CTNNA2: variants seen among roughly 807,000 people sequenced by gnomAD.
CTNNA2 encodes the protein catenin alpha-2.
CTNNA2 carries 42 observed loss-of-function variants against 101.0 expected under a neutral mutation model. The observed-to-expected ratio is 0.42, with a 90% CI of 0.32 to 0.54. CTNNA2 has a LOEUF of 0.54. Among genes scored for constraint, CTNNA2 ranks in the 20% least tolerant of loss-of-function variants. The pLI is 0.14. For missense variants in CTNNA2, 871 were observed against 1,223.1 expected (o/e 0.71, Z 4.29); for synonymous variants, 450 against 456.4 (o/e 0.99, Z 0.18).
chr2:79,276,008 G>T (rs1675203176), intron 2 of CTNNA2, among the ~76,000 whole-genome samples: 1 of 152,094 alleles, frequency 6.6e-6, no homozygotes, highest in Non-Finnish European at 1.5e-5. Flanking sequence ...TGAAGGTCAG[G>T]CAGGATAAAG....
intron 11 of CTNNA2, among the ~76,000 whole-genome samples, chr2:80,553,685 T>G (rs190206529): frequency 3.7e-4 from 57 of 152,318 alleles, no homozygotes; most frequent in Non-Finnish European, 6.9e-4. Flanking sequence ...CAGCCGGATG[T>G]GTGATTTTGA....
intron 7 of CTNNA2, among the ~76,000 whole-genome samples, chr2:80,062,087 T>C (rs762270801): frequency 1.3e-5 from 2 of 152,240 alleles, no homozygotes; most frequent in Non-Finnish European, 2.9e-5. Flanking sequence ...ATTGCCACTG[T>C]AGCTTTGAGG....
intron 2 of CTNNA2, among the ~76,000 whole-genome samples, chr2:79,740,437 A>C (rs964410496): frequency 1.3e-5 from 2 of 152,152 alleles, no homozygotes; most frequent in African/African-American, 4.8e-5. Context: ...AAGATTTTTG[A>C]AATACTTTTG....
intron 4 of CTNNA2, among the ~76,000 whole-genome samples, chr2:79,384,663 TAA>T (rs2104466461): frequency 6.6e-6 from 1 of 152,260 alleles, no homozygotes; most frequent in East Asian, 1.9e-4. Flanking sequence ...GAAAATGTGA[TAA>T]AGTTGTTTGC....
chr2:80,538,633 T>A (rs1185397893), intron 9 of CTNNA2, among the ~76,000 whole-genome samples: 1 of 152,220 alleles, frequency 6.6e-6, no homozygotes, highest in African/African-American at 2.4e-5. Flanking sequence ...TGTAACCTTG[T>A]AGTACAGTTT....
rs114120926 is a variant in CTNNA2 at position 80,058,184 on chromosome 2, G to T, written c.1056+148387G>T. Among the ~76,000 whole-genome samples, 1,208 of 152,260 alleles carry T rather than the reference G, an allele frequency of 7.9e-3. 15 individuals are homozygous for T. The highest frequency in any genetic ancestry group is 0.028 in the African/African-American group (1,152 of 41,558). ...CTCTTGAGAGCTGTAATAGGATACT[G>T]GGTCTTCTTGTCATTCTGTAAGATG... On this transcript the variant is annotated intron_variant, in intron 7 of 18. Coordinates refer to ENST00000402739, the MANE Select transcript of CTNNA2 (RefSeq NM_001282597.3).
At chr2:80,244,032 G>A (rs907266636) in intron 7 of CTNNA2, among the ~76,000 whole-genome samples, 2 of 152,252 alleles carry the variant, frequency 1.3e-5, no homozygotes, top group Non-Finnish European at 2.9e-5. Flanking sequence ...AAAGAGTCAA[G>A]GTTTTGGCTG....
intron 7 of CTNNA2, among the ~76,000 whole-genome samples, chr2:80,009,211 A>C (rs1351942962): frequency 6.6e-6 from 1 of 152,188 alleles, no homozygotes; most frequent in African/African-American, 2.4e-5. Context: ...TCTGATAAAC[A>C]GAAAAGGAGA....
At position 79,982,192 on chromosome 2, in the gene CTNNA2, CTATATATATATATATATATATATA is replaced by C. The variant is rs70940064; in HGVS notation, c.1056+72421_1056+72444del. Among the ~76,000 whole-genome samples the C allele has an allele frequency of 1.2e-3, 89 of 75,048 alleles. 1 individual carries two copies. The highest frequency in any genetic ancestry group is 2.2e-3 in the African/African-American group (32 of 14,388). The allele number at this position is 75,048 out of a possible 152,430, so 49.2% of individuals were successfully genotyped here. A position where few individuals can be genotyped will look rare whatever the true frequency, so the allele number is the denominator to read the frequency against. On this transcript the variant is annotated intron_variant, in intron 7 of 18. Transcript: ENST00000402739. ...TACCTGAGACCACAGGCATGTGCCACTATATATATATATATATATATATATATATATATATATATATATATATAT... is the reference window on the plus strand; with the variant it reads ...TACCTGAGACCACAGGCATGTGCCACTATATATATATATATATATATATAT...
chr2:80,603,347 A>T (rs901803919), intron 15 of CTNNA2, among the ~76,000 whole-genome samples: 4 of 152,106 alleles, frequency 2.6e-5, no homozygotes, highest in African/African-American at 4.8e-5. Context: ...TGCAAACCTT[A>T]TATGAAAATA....
chr2:79,926,249 A>T (rs2916527), intron 7 of CTNNA2, among the ~76,000 whole-genome samples: 23,156 of 152,128 alleles, frequency 0.15, 1,951 homozygotes, highest in East Asian at 0.26. Context: ...CTTCCAGGTG[A>T]AGAATAGCAT....
At chr2:80,527,879 C>A (rs1690174570) in intron 9 of CTNNA2, among the ~76,000 whole-genome samples, 1 of 152,182 alleles carries the variant, frequency 6.6e-6, no homozygotes, top group Non-Finnish European at 1.5e-5. Context: ...GCTGGAGAGG[C>A]TTAAAATGCC....
chr2:79,887,386 A>T (rs1234573622), intron 6 of CTNNA2, among the ~76,000 whole-genome samples: 1 of 152,160 alleles, frequency 6.6e-6, no homozygotes, highest in Non-Finnish European at 1.5e-5. Flanking sequence ...TAATTAAAAA[A>T]CCAAACATTT....
At chr2:79,416,315 C>G (rs1484936572) in intron 4 of CTNNA2, among the ~76,000 whole-genome samples, 2 of 121,404 alleles carry the variant, frequency 1.6e-5, no homozygotes, top group Admixed American at 2.1e-4. Flanking sequence ...AAGTTGAGAA[C>G]AACTACTTTT....
At chr2:80,030,160 A>G (rs1695194659) in intron 7 of CTNNA2, among the ~76,000 whole-genome samples, 1 of 152,016 alleles carries the variant, frequency 6.6e-6, no homozygotes, top group Admixed American at 6.6e-5. Context: ...TTTGTTTAAG[A>G]TCTTCAGTTA....
chr2:79,919,705 A>T (rs1240846487), intron 7 of CTNNA2, among the ~76,000 whole-genome samples: 1 of 152,234 alleles, frequency 6.6e-6, no homozygotes, highest in Non-Finnish European at 1.5e-5. Context: ...CCTTTGAATT[A>T]ACAAAGTATG....
chr2:79,815,607 C>T (rs1677426804), intron 3 of CTNNA2, among the ~76,000 whole-genome samples: 1 of 152,112 alleles, frequency 6.6e-6, no homozygotes, highest in Non-Finnish European at 1.5e-5. Flanking sequence ...CTATTCTGTT[C>T]CATTGGTCTA....
intron 9 of CTNNA2, among the ~76,000 whole-genome samples, chr2:80,534,257 G>C (rs1251168048): frequency 6.6e-6 from 1 of 152,070 alleles, no homozygotes; most frequent in Non-Finnish European, 1.5e-5. Context: ...ATGCCTGGTG[G>C]GACCATGAAC....
At chr2:79,528,983 A>G (rs1672581535) in intron 1 of CTNNA2, among the ~76,000 whole-genome samples, 1 of 152,194 alleles carries the variant, frequency 6.6e-6, no homozygotes, top group Admixed American at 6.6e-5. Context: ...AGTTATAGGT[A>G]GCAGTGATGA....
Sources: allele counts gnomAD v4.1 joint callset (sites outside exome capture counted in the v4.1 genomes callset), GRCh38; gene constraint gnomAD v4.1.1; transcripts MANE v1.5; gene names NCBI Gene and HGNC (gene_info 2026-07-23, HGNC 2026-07-21).